Variants in PRKD2 observed in about 807,000 individuals in gnomAD.
PRKD2 encodes serine/threonine-protein kinase D2.
Under a neutral mutation model 86.0 loss-of-function variants are expected in PRKD2, and 22 were observed. The observed-to-expected ratio is 0.26, with a 90% CI of 0.18 to 0.37. The LOEUF (loss-of-function observed/expected upper bound fraction) is 0.37, where lower values mean the gene tolerates loss of function less well. PRKD2 is among the 10% of genes least tolerant of loss of function. The pLI is 1.00. For synonymous variants in PRKD2, 509 were observed against 510.9 expected, an observed-to-expected ratio of 1.00 and a Z score of 0.05; for missense variants, 818 against 1,199.2, an observed-to-expected ratio of 0.68 and a Z score of 4.70.
At chr19:46,700,377 AC>A (rs1265109280) in intron 7 of PRKD2, among the ~76,000 whole-genome samples, 2 of 151,028 alleles carry the variant, frequency 1.3e-5, no homozygotes, top group Non-Finnish European at 3.0e-5. Context: ...ACAAAGCAAG[AC>A]CCTTTGGGAG....
intron 14 of PRKD2, among the ~76,000 whole-genome samples, chr19:46,687,061 A>C (rs1201603334): frequency 6.6e-6 from 1 of 151,980 alleles, no homozygotes; most frequent in Non-Finnish European, 1.5e-5. Flanking sequence ...AGTGATAAGA[A>C]TCTAATGTGC....
chr19:46,690,535 C>G (rs915437528), intron 13 of PRKD2, 65 bp downstream of exon 13: 1 of 1,497,256 alleles, frequency 6.7e-7, no homozygotes, highest in African/African-American at 1.4e-5. Context: ...CCCTGACCAC[C>G]CCTACACTGG....
chr19:46,713,731 A>T (rs2122177468), intron 2 of PRKD2, 132 bp downstream of exon 2: 1 of 877,800 alleles, frequency 1.1e-6, no homozygotes, highest in East Asian at 2.8e-5. Context: ...TCAGCCTCCC[A>T]AAGTGCTGGG....
At chr19:46,684,367 G>A (rs771149748) in intron 14 of PRKD2, among the ~76,000 whole-genome samples, 15 of 152,066 alleles carry the variant, frequency 9.9e-5, no homozygotes, top group Non-Finnish European at 1.9e-4. Context: ...TGTTGCCCAC[G>A]CTGGAGTGCA....
intron 2 of PRKD2, among the ~76,000 whole-genome samples, chr19:46,713,570 C>T (rs967807668): frequency 6.6e-6 from 1 of 152,042 alleles, no homozygotes; most frequent in Non-Finnish European, 1.5e-5. Context: ...AGAGCGCCTT[C>T]ATGACCCCAC....
At chr19:46,706,543 A>G (rs1361484080) in intron 3 of PRKD2, among the ~76,000 whole-genome samples, 2 of 152,206 alleles carry the variant, frequency 1.3e-5, no homozygotes, top group Non-Finnish European at 2.9e-5. Flanking sequence ...TCAGAATCTT[A>G]TCTATAACTC....
At position 46,716,316 on chromosome 19, in the gene PRKD2, A is replaced by C; in HGVS notation, c.55T>G (p.Ser19Ala). ...TCTAGGCCGCCGGGGGGCGGAGGAG[A>C]CCCCGGCCCGGGAGAGCCAGGGAGC... is the stretch of plus-strand genomic sequence containing the variant. ...AGLPGSPGPGSPPPPGGLELQ... is the reference protein window; with the variant it reads ...AGLPGSPGPGAPPPPGGLELQ... The change falls in exon 1 of 18, where the codon TCT becomes GCT. Residue 19 changes from serine (S) to alanine (A), a missense_variant. By Grantham distance (99) the Ser-to-Ala change is moderately conservative. This residue lies in a region of PRKD2 where 403 missense variants were observed against 518.6 expected (regional missense o/e 0.78). Coordinates refer to ENST00000291281, the MANE Select transcript of PRKD2 (RefSeq NM_016457.5). This position sits in a 1 kb window ranked among gnomAD's most constrained non-coding sequence, Gnocchi z 7.9. 2.0e-6 allele frequency: 3 copies of C among 1,474,024 alleles called. No homozygotes were observed. Among genetic ancestry groups the C allele is most frequent in the East Asian group, 2.7e-5 (1 of 37,128 alleles). The allele number at this position is 1,474,024 out of a possible 1,614,324, so 91.3% of individuals were successfully genotyped here.
chr19:46,675,103 TTGA>T lies in PRKD2; in HGVS notation c.2351_2353del (p.Ile784del), dbSNP rs765866985. On this transcript the variant is annotated inframe_deletion, in exon 17 of 18. Transcript: ENST00000291281. ...GCGCATCTTCACCTGCAGCAGGTTG[TTGA>T]TGAGGTCAATGGCTGCACAGGAAAG... 6.2e-7 allele frequency: 1 copy of T among 1,610,754 alleles called. No homozygotes were observed. The highest frequency in any genetic ancestry group is 8.5e-7 in the Non-Finnish European group (1 of 1,178,268).
Position 46,678,701 on chromosome 19 carries a change from G to C in PRKD2, c.2071-38C>G. The C allele has an allele frequency of 6.3e-7, 1 of 1,579,770 alleles. No individual in the cohort carries two copies. The highest frequency in any genetic ancestry group is 1.7e-4 in the Middle Eastern group (1 of 5,978). On this transcript the variant is annotated intron_variant, in intron 15 of 17. Coordinates refer to ENST00000291281, the MANE Select transcript of PRKD2 (RefSeq NM_016457.5). The surrounding 1 kb of genome is among the most constrained non-coding windows in gnomAD (Gnocchi z 5.7). ...AGGGATGGAGGCTCCACCAGGTGAT[G>C]GAGCCGCACCCACCCCAGCATCCCC...
At chr19:46,684,688 G>GGCACGGTGGCTTACGCCTGTAATCCCA (rs1252279250) in intron 14 of PRKD2, among the ~76,000 whole-genome samples, 2 of 152,274 alleles carry the variant, frequency 1.3e-5, no homozygotes, top group South Asian at 2.1e-4. Context: ...GGTTAGGCCG[G>GGCACGGTGGCTTACGCCTGTAATCCCA]GCACGGTGGC....
At chr19:46,686,348 A>T (rs2053396555) in intron 14 of PRKD2, among the ~76,000 whole-genome samples, 1 of 151,920 alleles carries the variant, frequency 6.6e-6, no homozygotes, top group South Asian at 2.1e-4. Flanking sequence ...ACATAAAAAA[A>T]AATTAGCCAG....
chr19:46,674,742 C>T lies in PRKD2; in HGVS notation c.2425-7G>A. 1 of 1,602,596 alleles carries T rather than the reference C, an allele frequency of 6.2e-7. No individual in the cohort carries two copies. The highest frequency in any genetic ancestry group is 8.5e-7 in the Non-Finnish European group (1 of 1,179,106). On this transcript the variant is annotated splice_region_variant and splice_polypyrimidine_tract_variant and intron_variant, in intron 17 of 17. Transcript: ENST00000291281. ...CCAGCCACGTCTGGTACTCCTGGGC[C>T]CGAGAGAACTGGGGTTAGCTTGGGG... is the stretch of plus-strand genomic sequence containing the variant.
chr19:46,707,826 G>A (rs1239546711), intron 3 of PRKD2, among the ~76,000 whole-genome samples: 1 of 152,150 alleles, frequency 6.6e-6, no homozygotes, highest in Non-Finnish European at 1.5e-5. Context: ...GACAGGCGCG[G>A]TGGCTCATGC....
intron 3 of PRKD2, 40 bp from the exon 4 acceptor site, chr19:46,704,689 C>T (rs1258524235): frequency 2.6e-6 from 4 of 1,558,258 alleles, no homozygotes; most frequent in South Asian, 1.2e-5. Flanking sequence ...TGGCGTCTGC[C>T]CCTCCTAGGT....
chr19:46,677,949 C>T (rs2053235231), intron 16 of PRKD2, among the ~76,000 whole-genome samples: 1 of 152,202 alleles, frequency 6.6e-6, no homozygotes, highest in Non-Finnish European at 1.5e-5. Flanking sequence ...TTTCTCAACC[C>T]TACCCACCGG....
At position 46,704,591 on chromosome 19, in the gene PRKD2, C is replaced by G; in HGVS notation, c.570G>C (p.Gly190=). ...CAFSIPNNCS[G]ARKRRLSSTS... Reference sequence around the variant, plus strand: ...TGGATGACAGGCGCCGTTTGCGGGCCCCACTACAGTTGTTGGGGATGCTGA... The same window carrying G: ...TGGATGACAGGCGCCGTTTGCGGGCGCCACTACAGTTGTTGGGGATGCTGA... Residue 190 remains glycine (G), a synonymous_variant, in exon 4 of 18, where the codon GGG becomes GGC. Coordinates refer to ENST00000291281, the MANE Select transcript of PRKD2 (RefSeq NM_016457.5). 1 of 1,613,992 alleles carries G rather than the reference C, an allele frequency of 6.2e-7. No homozygotes were observed. Among genetic ancestry groups the G allele is most frequent in the East Asian group, 2.2e-5 (1 of 44,888 alleles).
chr19:46,677,729 C>T (rs561724514), intron 16 of PRKD2, among the ~76,000 whole-genome samples: 1 of 152,178 alleles, frequency 6.6e-6, no homozygotes, highest in Non-Finnish European at 1.5e-5. Context: ...AGTGCAATGT[C>T]TGCCTCAGTC....
intron 16 of PRKD2, among the ~76,000 whole-genome samples, chr19:46,676,565 G>A (rs559395218): frequency 2.0e-5 from 3 of 152,294 alleles, no homozygotes; most frequent in South Asian, 4.1e-4. Context: ...GCACTCATCC[G>A]AGGCTCTCTC....
intron 7 of PRKD2, among the ~76,000 whole-genome samples, chr19:46,699,968 G>A (rs2053613937): frequency 6.6e-6 from 1 of 151,456 alleles, no homozygotes; most frequent in East Asian, 1.9e-4. Context: ...AGGCGCGGTG[G>A]CTCATGCCTG....
Sources: allele counts gnomAD v4.1 joint callset (sites outside exome capture counted in the v4.1 genomes callset), GRCh38; gene constraint gnomAD v4.1.1; regional missense constraint gnomAD v4.1.1; non-coding constraint Gnocchi (gnomAD v3.1); transcripts MANE v1.5; gene names NCBI Gene and HGNC (gene_info 2026-07-23, HGNC 2026-07-21).